The following SORL1 variants were observed in gnomAD, a reference collection of about 807,000 sequenced individuals.
SORL1 encodes sortilin-related receptor.
SORL1 carries 127 observed loss-of-function variants against 273.7 expected under a neutral mutation model. The observed-to-expected ratio is 0.46, with a 90% CI of 0.40 to 0.54. SORL1 has a LOEUF of 0.54. Among genes scored for constraint, SORL1 ranks in the 20% least tolerant of loss-of-function variants. SORL1 has a pLI of 0.00. For missense variants in SORL1, 2,494 were observed against 2,846.1 expected (o/e 0.88, Z 2.81); for synonymous variants, 1,031 against 1,067.4 (o/e 0.97, Z 0.66).
intron 12 of SORL1, among the ~76,000 whole-genome samples, chr11:121,538,452 C>A (rs1205764801): frequency 3.9e-5 from 6 of 152,130 alleles, no homozygotes; most frequent in Admixed American, 3.9e-4. Context: ...TTTTACTCAG[C>A]ATAATGATTT....
At position 121,608,122 on chromosome 11, in the gene SORL1, C is replaced by T. The variant is rs752246462; in HGVS notation, c.5185C>T (p.Arg1729Cys). Residue 1729 changes from arginine to cysteine, a missense_variant, in exon 38 of 48, where the codon CGT becomes TGT. By Grantham distance (180) the Arg-to-Cys change is radical. Coordinates refer to ENST00000260197, the MANE Select transcript of SORL1 (RefSeq NM_003105.6). ...TGAAAAGGTGGCTGCGGTGACTAGT[C>T]GTGGAATAGGAAACTGGAGCGATTC... ...YTVRVAAVTSRGIGNWSDSKS... is the reference protein window; with the variant it reads ...YTVRVAAVTSCGIGNWSDSKS... 3.7e-6 allele frequency: 6 copies of T among 1,613,786 alleles called. No individual in the cohort carries two copies. Among genetic ancestry groups the T allele is most frequent in the South Asian group, 1.1e-5 (1 of 91,078 alleles).
Position 121,631,774 on chromosome 11 carries a change from G to C in SORL1, c.*2211G>C, listed in dbSNP as rs560006560. 2.0e-5 allele frequency: 3 copies of C among 152,194 alleles called. No homozygotes were observed. Among genetic ancestry groups the C allele is most frequent in the South Asian group, 4.2e-4 (2 of 4,816 alleles). The allele number at this position is 152,194 out of a possible 1,614,324, so 9.4% of individuals were successfully genotyped here. On this transcript the variant is annotated 3_prime_UTR_variant, in exon 48 of 48. Coordinates refer to ENST00000260197, the MANE Select transcript of SORL1 (RefSeq NM_003105.6). ...TCTCCTTGGAAAATGCCACTGTGCT[G>C]TTTGAAAAAAAGCAGCCTTTTAGGG...
At chr11:121,500,328 C>T (rs766742543) in intron 6 of SORL1, among the ~76,000 whole-genome samples, 4 of 152,220 alleles carry the variant, frequency 2.6e-5, no homozygotes, top group Non-Finnish European at 5.9e-5. Context: ...ATATTTCTTG[C>T]ACAAATGTGT....
chr11:121,577,433 C>A, intron 25 of SORL1, 33 bp downstream of exon 25: 1 of 1,549,716 alleles, frequency 6.5e-7, no homozygotes, highest in South Asian at 1.2e-5. Flanking sequence ...TGACAGCACT[C>A]ATCCGTTCAT....
In SORL1 at chr11:121,580,708, C is replaced by T. The variant is rs138624180; in HGVS notation, c.3581-2750C>T. 5.5e-3 allele frequency among the ~76,000 whole-genome samples: 827 copies of T among 151,140 alleles called. 14 individuals carry two copies. The highest frequency in any genetic ancestry group is 0.037 in the Admixed American group (555 of 15,134). On this transcript the variant is annotated intron_variant, in intron 25 of 47. Coordinates refer to ENST00000260197, the MANE Select transcript of SORL1 (RefSeq NM_003105.6). The stretch of plus-strand genomic sequence containing the variant: ...TAGCCTTGACCTCCTGGGCTCAATC[C>T]ATCTTCCCGCCTTAGCCTCTTGAGT...
intron 25 of SORL1, among the ~76,000 whole-genome samples, chr11:121,578,906 A>C (rs1862974590): frequency 6.6e-6 from 1 of 152,236 alleles, no homozygotes; most frequent in Non-Finnish European, 1.5e-5. Flanking sequence ...GGAAGAACCG[A>C]GGCCCATAAA....
At chr11:121,502,891 T>TG (rs1469233533) in intron 6 of SORL1, among the ~76,000 whole-genome samples, 3 of 152,078 alleles carry the variant, frequency 2.0e-5, no homozygotes, top group Non-Finnish European at 1.5e-5. Context: ...TTTTTTGAGT[T>TG]GGGGGTCTTC....
intron 38 of SORL1, 78 bp from the exon 39 acceptor site, chr11:121,610,998 G>T: frequency 1.1e-6 from 1 of 935,638 alleles, no homozygotes; most frequent in Non-Finnish European, 1.7e-6. Context: ...TTTGTCCGTT[G>T]AGTTGAAAAC....
At chr11:121,562,966 T>C (rs1862700818) in intron 21 of SORL1, among the ~76,000 whole-genome samples, 1 of 152,238 alleles carries the variant, frequency 6.6e-6, no homozygotes, top group Admixed American at 6.5e-5. Flanking sequence ...TGTTAAATAA[T>C]AATAATTGAT....
chr11:121,561,050 C>G (rs1437248081), intron 21 of SORL1, among the ~76,000 whole-genome samples: 3 of 152,188 alleles, frequency 2.0e-5, no homozygotes, highest in South Asian at 4.1e-4. Context: ...GACATCCACC[C>G]CTACTGATCT....
At chr11:121,575,354 A>G (rs1862912293) in intron 24 of SORL1, among the ~76,000 whole-genome samples, 1 of 152,230 alleles carries the variant, frequency 6.6e-6, no homozygotes, top group South Asian at 2.1e-4. Context: ...TGCAATCAGC[A>G]TGGTGTGCCA....
chr11:121,528,263 G>A (rs1862152539), intron 11 of SORL1, among the ~76,000 whole-genome samples: 1 of 152,112 alleles, frequency 6.6e-6, no homozygotes, highest in Non-Finnish European at 1.5e-5. Flanking sequence ...GAGACCAGGA[G>A]TTCAAGACCA....
chr11:121,528,259 A>C (rs1436209241), intron 11 of SORL1, among the ~76,000 whole-genome samples: 1 of 152,154 alleles, frequency 6.6e-6, no homozygotes, highest in African/African-American at 2.4e-5. Context: ...ACTTGAGACC[A>C]GGAGTTCAAG....
Position 121,470,091 on chromosome 11 carries a change from A to G in SORL1, c.370A>G (p.Ser124Gly). ...CGTGATCGTGGCCTTGGCCCGAGAT[A>G]GCCTGGCATTGGCGAGGCCCAAGAG... ...SNVIVALARD[S>G]LALARPKSSD... The change falls in exon 2 of 48, where the codon AGC becomes GGC. Residue 124 changes from serine (S) to glycine (G), a missense_variant. This residue lies in a region of SORL1 where 710 missense variants were observed against 882.5 expected (regional missense o/e 0.80). Transcript: ENST00000260197. 6.2e-7 allele frequency: 1 copy of G among 1,614,100 alleles called. No individual in the cohort carries two copies. The highest frequency in any genetic ancestry group is 8.5e-7 in the Non-Finnish European group (1 of 1,179,942).
chr11:121,589,536 T>C (rs1863176786), intron 29 of SORL1, 146 bp downstream of exon 29: 2 of 1,008,460 alleles, frequency 2.0e-6, no homozygotes, highest in East Asian at 2.5e-5. Context: ...TGAATACTCA[T>C]ACGAGTTGAG....
intron 1 of SORL1, among the ~76,000 whole-genome samples, chr11:121,454,619 C>T (rs1860870356): frequency 6.6e-6 from 1 of 152,132 alleles, no homozygotes; most frequent in East Asian, 1.9e-4. Context: ...CTGTGGCTGC[C>T]TTCCTATGCC....
intron 20 of SORL1, 31 bp from the exon 21 acceptor site, chr11:121,559,488 C>A: frequency 1.2e-6 from 2 of 1,602,854 alleles, no homozygotes; most frequent in South Asian, 2.2e-5. Context: ...AACGAAAGAG[C>A]TGGACTAATG....
chr11:121,625,418 G>A, intron 46 of SORL1, 141 bp downstream of exon 46: 4 of 695,622 alleles, frequency 5.8e-6, no homozygotes, highest in Admixed American at 3.3e-5. Context: ...ATATCAGTTT[G>A]GTCAGGTAGT....
At chr11:121,552,210 G>A (rs1269101279) in intron 16 of SORL1, among the ~76,000 whole-genome samples, 3 of 152,194 alleles carry the variant, frequency 2.0e-5, no homozygotes, top group South Asian at 4.1e-4. Context: ...ACTAATGGGG[G>A]CCGTAATATC....
Sources: gnomAD v4.1 joint callset for allele counts (sites outside exome capture counted in the v4.1 genomes callset) on GRCh38, gnomAD v4.1.1 for gene constraint, gnomAD v4.1.1 regional missense constraint, MANE v1.5 for transcripts, NCBI Gene and HGNC (gene_info 2026-07-23, HGNC 2026-07-21) for gene names.